The following TXNDC11 variants were observed in gnomAD, a reference collection of about 807,000 sequenced individuals.
The protein encoded by TXNDC11 is thioredoxin domain containing 11.
Under a neutral mutation model 78.0 loss-of-function variants are expected in TXNDC11, and 68 were observed. The observed-to-expected ratio is 0.87, with a 90% CI of 0.72 to 1.07. The LOEUF is 1.07. Among genes scored for constraint, TXNDC11 ranks in the 50% least tolerant of loss-of-function variants. TXNDC11 has a pLI of 0.00. For missense variants in TXNDC11, 1,389 were observed against 1,221.8 expected (o/e 1.14, Z -2.04); for synonymous variants, 571 against 495.2 (o/e 1.15, Z -2.03).
Position 11,707,929 on chromosome 16 carries a change from T to A in TXNDC11, c.794-7365A>T, listed in dbSNP as rs1470078927. 2.6e-5 allele frequency among the ~76,000 whole-genome samples: 4 copies of A among 151,714 alleles called. No individual in the cohort carries two copies. The South Asian group carries it at 6.2e-4, about 24-fold the overall frequency. ...GAGACCCTAGCTCTAAAAAAATTTT[T>A]AAAAATTCGCTGAGCGTGATGATGT... On this transcript the variant is annotated intron_variant, in intron 5 of 11. Coordinates refer to ENST00000283033, the MANE Select transcript of TXNDC11 (RefSeq NM_015914.7).
At chr16:11,738,457 G>C (rs898109072) in intron 1 of TXNDC11, among the ~76,000 whole-genome samples, 1 of 152,198 alleles carries the variant, frequency 6.6e-6, no homozygotes, top group African/African-American at 2.4e-5. Flanking sequence ...CCACTTTCTA[G>C]GGGAGGAAGA....
Position 11,684,585 on chromosome 16 carries a change from G to C in TXNDC11, c.2154-340C>G, listed in dbSNP as rs576564819. 2.6e-5 allele frequency among the ~76,000 whole-genome samples: 4 copies of C among 152,328 alleles called. No individual in the cohort carries two copies. The East Asian group carries it at 7.7e-4, about 29-fold the overall frequency. On this transcript the variant is annotated intron_variant, in intron 10 of 11. Transcript: ENST00000283033. Reference sequence around the variant, plus strand: ...TAATCCCTGAATAGCTCTGGGAAAAGAAAGGAAATCATTGAGCAAAATACA... The same window carrying C: ...TAATCCCTGAATAGCTCTGGGAAAACAAAGGAAATCATTGAGCAAAATACA...
rs2050378738 is a variant in TXNDC11 at position 11,679,925 on chromosome 16, ACTT to A, written c.2235-91_2235-89del. ...GGCTGTACCTGAGGCCAGGCCATCTACTTCTCACCAAGAAAAGACGTTCCGTGG... is the reference window on the plus strand; with the variant it reads ...GGCTGTACCTGAGGCCAGGCCATCTACTCACCAAGAAAAGACGTTCCGTGG... On this transcript the variant is annotated intron_variant, in intron 11 of 11. Coordinates refer to ENST00000283033, the MANE Select transcript of TXNDC11 (RefSeq NM_015914.7). The surrounding 1 kb of genome is among the most constrained non-coding windows in gnomAD (Gnocchi z 4.6). 1.7e-6 allele frequency: 2 copies of A among 1,148,588 alleles called. No individual in the cohort carries two copies. 71.1% of individuals were successfully genotyped at this position (1,148,588 alleles called of 1,614,324 possible).
chr16:11,739,606 A>C lies in TXNDC11; in HGVS notation c.254+2871T>G, dbSNP rs553887992. Among the ~76,000 whole-genome samples the C allele has an allele frequency of 7.4e-4, 113 of 152,370 alleles. 3 individuals are homozygous for C. In the South Asian group the frequency reaches 0.021, roughly 29 times the overall value. ...CTTCCTTGCAAAGACCATTCGAGGC[A>C]GCTTTGAAATTACAAAATGGAATAA... On this transcript the variant is annotated intron_variant, in intron 1 of 11. Transcript: ENST00000283033.
At chr16:11,700,905 CTGG>C (rs1044794235) in intron 5 of TXNDC11, among the ~76,000 whole-genome samples, 3 of 152,116 alleles carry the variant, frequency 2.0e-5, no homozygotes, top group Non-Finnish European at 4.4e-5. Context: ...CTTCTTGTGG[CTGG>C]TTCCTTGTCA....
In TXNDC11 at chr16:11,696,258, C is replaced by T. The variant is rs1281543428; in HGVS notation, c.1107+1867G>A. 3.3e-5 allele frequency among the ~76,000 whole-genome samples: 5 copies of T among 152,166 alleles called. No homozygotes were observed. The East Asian group carries it at 9.6e-4, about 29-fold the overall frequency. ...TTCCCGTAAGTTTTTCTCAACCCAT[C>T]AAGATCCTGGCTGCCCCTACAAGTC... On this transcript the variant is annotated intron_variant, in intron 7 of 11. Coordinates refer to ENST00000283033, the MANE Select transcript of TXNDC11 (RefSeq NM_015914.7).
At chr16:11,731,254 G>A (rs2052036005) in intron 3 of TXNDC11, among the ~76,000 whole-genome samples, 2 of 152,136 alleles carry the variant, frequency 1.3e-5, no homozygotes, top group South Asian at 4.1e-4. Context: ...AAAGAAACAG[G>A]CAGACAAAGG....
At chr16:11,691,195 C>A in intron 8 of TXNDC11, 95 bp downstream of exon 8, 1 of 1,076,176 alleles carries the variant, frequency 9.3e-7, no homozygotes, top group African/African-American at 1.6e-5. Context: ...TGACATCACC[C>A]CACAACTAAA....
chr16:11,704,741 C>G (rs2051131384), intron 5 of TXNDC11, among the ~76,000 whole-genome samples: 1 of 152,044 alleles, frequency 6.6e-6, no homozygotes, highest in Non-Finnish European at 1.5e-5. Context: ...CAAGGAAAGA[C>G]AGAGGATTTG....
intron 5 of TXNDC11, among the ~76,000 whole-genome samples, chr16:11,718,483 CTG>C (rs1367781410): frequency 6.6e-6 from 1 of 152,082 alleles, no homozygotes; most frequent in Non-Finnish European, 1.5e-5. Flanking sequence ...TAATTTGAAA[CTG>C]TATCTTTTTT....
chr16:11,726,438 G>C (rs577928835), intron 4 of TXNDC11, among the ~76,000 whole-genome samples: 20 of 151,798 alleles, frequency 1.3e-4, no homozygotes, highest in African/African-American at 4.8e-4. Flanking sequence ...AAAATTAACC[G>C]GGCATGGTGG....
intron 5 of TXNDC11, among the ~76,000 whole-genome samples, chr16:11,713,128 A>G (rs1433945187): frequency 7.1e-6 from 1 of 141,838 alleles, no homozygotes; most frequent in East Asian, 2.1e-4. Context: ...AAAAAAAAAA[A>G]AATTGCCAGG....
intron 10 of TXNDC11, 135 bp from the exon 11 acceptor site, chr16:11,684,380 G>A: frequency 1.6e-6 from 1 of 617,288 alleles, no homozygotes; most frequent in East Asian, 2.9e-5. Context: ...CTCGATGAAT[G>A]TACTACCAGG....
chr16:11,695,517 T>C (rs1349795020), intron 7 of TXNDC11, among the ~76,000 whole-genome samples: 2 of 152,298 alleles, frequency 1.3e-5, no homozygotes, highest in Admixed American at 1.3e-4. Flanking sequence ...TTACAGCTCA[T>C]CTTGCGTAAG....
intron 5 of TXNDC11, among the ~76,000 whole-genome samples, chr16:11,703,103 T>C (rs935645669): frequency 3.3e-5 from 5 of 151,986 alleles, no homozygotes; most frequent in Admixed American, 3.3e-4. Flanking sequence ...AATTAAACAA[T>C]TAGTTAAAAC....
intron 9 of TXNDC11, 136 bp from the exon 10 acceptor site, chr16:11,688,102 T>C: frequency 1.1e-6 from 1 of 923,086 alleles, no homozygotes; most frequent in South Asian, 1.5e-5. Flanking sequence ...TTTTCATCTT[T>C]AGGTCTTTCC....
rs765438961 is a variant in TXNDC11, at chr16:11,687,844, G to C, written c.2153+13C>G. ...GCATACAGCCCAAAGCGCTGCAGAAGAGGCCTGCTTACCTTGCCACAGTGA... is the reference window on the plus strand; with the variant it reads ...GCATACAGCCCAAAGCGCTGCAGAACAGGCCTGCTTACCTTGCCACAGTGA... On this transcript the variant is annotated intron_variant, in intron 10 of 11. Coordinates refer to ENST00000283033, the MANE Select transcript of TXNDC11 (RefSeq NM_015914.7). 2.7e-5 allele frequency: 42 copies of C among 1,581,896 alleles called. No homozygotes were observed. Among genetic ancestry groups the C allele is most frequent in the Non-Finnish European group, 3.6e-5 (41 of 1,151,648 alleles).
chr16:11,682,561 A>T (rs2050450809), intron 11 of TXNDC11, among the ~76,000 whole-genome samples: 1 of 152,210 alleles, frequency 6.6e-6, no homozygotes. Flanking sequence ...CATTTCTGCC[A>T]GCTGCTGAGA....
At chr16:11,684,803 G>C (rs2050520975) in intron 10 of TXNDC11, among the ~76,000 whole-genome samples, 1 of 152,188 alleles carries the variant, frequency 6.6e-6, no homozygotes, top group Non-Finnish European at 1.5e-5. Context: ...GCCTGCCCCG[G>C]GCAGCTGGCA....
Sources: gnomAD v4.1 joint callset for allele counts (sites outside exome capture counted in the v4.1 genomes callset) on GRCh38, gnomAD v4.1.1 for gene constraint, Gnocchi (gnomAD v3.1) non-coding constraint, MANE v1.5 for transcripts, NCBI Gene and HGNC (gene_info 2026-07-23, HGNC 2026-07-21) for gene names.